PACSIN1: variants seen among roughly 807,000 people sequenced by gnomAD.
PACSIN1 encodes the protein protein kinase C and casein kinase substrate in neurons 1.
A neutral mutation model predicts 59.5 loss-of-function variants in PACSIN1; 15 were observed. That is an observed-to-expected ratio of 0.25 (90% CI 0.17 to 0.39). The LOEUF is 0.39. PACSIN1 is among the 10% of genes least tolerant of loss of function. The pLI is 1.00. For missense variants in PACSIN1, 420 were observed against 580.2 expected (o/e 0.72, Z 2.84); for synonymous variants, 210 against 220.6 (o/e 0.95, Z 0.42).
intron 1 of PACSIN1, among the ~76,000 whole-genome samples, chr6:34,509,949 A>G (rs919374677): frequency 3.3e-5 from 5 of 152,362 alleles, no homozygotes; most frequent in African/African-American, 1.2e-4. Context: ...AGATTTATCC[A>G]TGTGATTATG....
chr6:34,505,851 C>T (rs1249202203), intron 1 of PACSIN1, among the ~76,000 whole-genome samples: 3 of 151,308 alleles, frequency 2.0e-5, no homozygotes, highest in East Asian at 2.0e-4. Context: ...AGGCTGGTCT[C>T]GAACTCCTGG....
Position 34,529,950 on chromosome 6 carries a change from G to A in PACSIN1, c.788+109G>A. 4.8e-6 allele frequency: 6 copies of A among 1,256,234 alleles called. No homozygotes were observed. Among genetic ancestry groups the A allele is most frequent in the Non-Finnish European group, 6.6e-6 (6 of 903,180 alleles). 77.8% of individuals were successfully genotyped at this position (1,256,234 alleles called of 1,614,324 possible). A position where few individuals can be genotyped will look rare whatever the true frequency, so the allele number is the denominator to read the frequency against. ...CACAGTGACGGGAAGGGGAGGCAGAGCTGCAGGGGTCAAGAAGGATGAGGC... is the reference window on the plus strand; with the variant it reads ...CACAGTGACGGGAAGGGGAGGCAGAACTGCAGGGGTCAAGAAGGATGAGGC... On this transcript the variant is annotated intron_variant, in intron 6 of 9. Transcript: ENST00000244458. This position sits in a 1 kb window ranked among gnomAD's most constrained non-coding sequence, Gnocchi z 6.3.
At position 34,532,552 on chromosome 6, in the gene PACSIN1, C is replaced by G. The variant is rs1323268741; in HGVS notation, c.*22C>G. On this transcript the variant is annotated 3_prime_UTR_variant, in exon 10 of 10. Transcript: ENST00000244458. This position sits in a 1 kb window ranked among gnomAD's most constrained non-coding sequence, Gnocchi z 5.2. ...CTAGAGGCCCCCTCCCTCCATACTC[C>G]CGTCACTCCTCCCCACTGCCGCCCC... The G allele has an allele frequency of 3.6e-6, 5 of 1,381,392 alleles. No homozygotes were observed. The highest frequency in any genetic ancestry group is 5.0e-6 in the Non-Finnish European group (5 of 997,620). 85.6% of individuals were successfully genotyped at this position (1,381,392 alleles called of 1,614,324 possible).
chr6:34,512,807 A>G (rs576255823), intron 1 of PACSIN1, among the ~76,000 whole-genome samples: 2 of 152,286 alleles, frequency 1.3e-5, no homozygotes, highest in South Asian at 4.1e-4. Flanking sequence ...GTGTTTCCCA[A>G]TCAGATCTTT....
At chr6:34,480,227 C>CT (rs67633521) in intron 1 of PACSIN1, among the ~76,000 whole-genome samples, 70,494 of 133,538 alleles carry the variant, frequency 0.53, 18,480 homozygotes, top group East Asian at 0.63. Flanking sequence ...TTCTTTCTTT[C>CT]TTTTTTTTTT....
chr6:34,523,832 C>T (rs573916387), intron 1 of PACSIN1, among the ~76,000 whole-genome samples: 4 of 152,312 alleles, frequency 2.6e-5, no homozygotes, highest in Admixed American at 1.3e-4. Flanking sequence ...CCACATGATA[C>T]GGGGGTCCAC....
Position 34,516,523 on chromosome 6 carries a change from A to G in PACSIN1, c.-63-9720A>G, listed in dbSNP as rs148407011. 0.017 allele frequency among the ~76,000 whole-genome samples: 2,602 copies of G among 152,280 alleles called. 31 individuals carry two copies. The highest frequency in any genetic ancestry group is 0.029 in the African/African-American group (1,205 of 41,562). On this transcript the variant is annotated intron_variant, in intron 1 of 9. Transcript: ENST00000244458. This position sits in a 1 kb window ranked among gnomAD's most constrained non-coding sequence, Gnocchi z 5.4. ...CTGCCCTGCCTCACCTCCTGCAGCC[A>G]GGCCTGCTGGCCTCAGTTGCCCGTC...
At chr6:34,494,346 AG>A (rs1377826546) in intron 1 of PACSIN1, among the ~76,000 whole-genome samples, 1 of 152,136 alleles carries the variant, frequency 6.6e-6, no homozygotes, top group Non-Finnish European at 1.5e-5. Flanking sequence ...ATGTTAGACC[AG>A]AGCTTCTCCA....
intron 3 of PACSIN1, 60 bp downstream of exon 3, chr6:34,527,548 G>A: frequency 1.4e-6 from 2 of 1,444,182 alleles, no homozygotes; most frequent in Non-Finnish European, 1.8e-6. Context: ...CCTAGGTCTG[G>A]GTCCTAGGAG....
At position 34,530,684 on chromosome 6, in the gene PACSIN1, A is replaced by G. The variant is rs1248736244; in HGVS notation, c.1037+97A>G. The G allele has an allele frequency of 1.6e-6, 2 of 1,240,192 alleles. No individual in the cohort carries two copies. The highest frequency in any genetic ancestry group is 1.9e-5 in the South Asian group (1 of 51,860). 76.8% of individuals were successfully genotyped at this position (1,240,192 alleles called of 1,614,324 possible). Reference sequence around the variant, plus strand: ...GAAGACAAGAAATGGTCTAGATCATAGCAACTATGTCTCCTCTCTAAAAGA... The same window carrying G: ...GAAGACAAGAAATGGTCTAGATCATGGCAACTATGTCTCCTCTCTAAAAGA... On this transcript the variant is annotated intron_variant, in intron 8 of 9. Coordinates refer to ENST00000244458, the MANE Select transcript of PACSIN1 (RefSeq NM_020804.5). This position sits in a 1 kb window ranked among gnomAD's most constrained non-coding sequence, Gnocchi z 4.4.
chr6:34,524,750 G>A (rs1044166097), intron 1 of PACSIN1, among the ~76,000 whole-genome samples: 1 of 152,178 alleles, frequency 6.6e-6, no homozygotes, highest in Non-Finnish European at 1.5e-5. Context: ...TGGTGTTCCC[G>A]GGTGAAGGGT....
chr6:34,509,310 C>T (rs1354098488), intron 1 of PACSIN1, among the ~76,000 whole-genome samples: 3 of 152,162 alleles, frequency 2.0e-5, no homozygotes, highest in Non-Finnish European at 4.4e-5. Flanking sequence ...TCTTGGCACC[C>T]TCACTGAAGA....
chr6:34,469,323 C>T (rs1766539622), intron 1 of PACSIN1, among the ~76,000 whole-genome samples: 1 of 152,126 alleles, frequency 6.6e-6, no homozygotes. Context: ...TGAAGGAAGC[C>T]CATTAGCCAC....
chr6:34,518,362 C>A lies in PACSIN1; in HGVS notation c.-63-7881C>A, dbSNP rs71567453. ...CTCAGGACAGACAGACGGACCCCTGCAGAGTGGCCAAGTGTGTGCTGACTG... is the reference window on the plus strand; with the variant it reads ...CTCAGGACAGACAGACGGACCCCTGAAGAGTGGCCAAGTGTGTGCTGACTG... On this transcript the variant is annotated intron_variant, in intron 1 of 9. Transcript: ENST00000244458. The surrounding 1 kb of genome is among the most constrained non-coding windows in gnomAD (Gnocchi z 4.4). Among the ~76,000 whole-genome samples, 13,081 of 152,266 alleles carry A rather than the reference C, an allele frequency of 0.086. 759 individuals are homozygous for A. The highest frequency in any genetic ancestry group is 0.19 in the East Asian group (985 of 5,166).
intron 1 of PACSIN1, among the ~76,000 whole-genome samples, chr6:34,468,017 C>A (rs1309781639): frequency 6.6e-6 from 1 of 152,232 alleles, no homozygotes; most frequent in Non-Finnish European, 1.5e-5. Context: ...TCTCCTCAGG[C>A]CGCTGGGTTG....
intron 1 of PACSIN1, among the ~76,000 whole-genome samples, chr6:34,505,671 C>T (rs555813527): frequency 4.2e-4 from 58 of 138,890 alleles, no homozygotes; most frequent in African/African-American, 1.5e-3. Context: ...CACTCTCTCA[C>T]CCACCAGGCT....
chr6:34,528,997 A>T, intron 4 of PACSIN1, 120 bp downstream of exon 4: 1 of 760,234 alleles, frequency 1.3e-6, no homozygotes, highest in Non-Finnish European at 2.2e-6. Context: ...GATTGTGCCC[A>T]CAGGGGAGCA....
chr6:34,478,372 T>C (rs1225322248), intron 1 of PACSIN1, among the ~76,000 whole-genome samples: 1 of 58,406 alleles, frequency 1.7e-5, no homozygotes, highest in Non-Finnish European at 5.3e-5. Context: ...TTATCTTCTT[T>C]TTTTTTTTTT....
In PACSIN1 at chr6:34,530,435, C is replaced by T; in HGVS notation, c.910-25C>T. On this transcript the variant is annotated intron_variant, in intron 7 of 9. Transcript: ENST00000244458. The surrounding 1 kb of genome is among the most constrained non-coding windows in gnomAD (Gnocchi z 4.4). ...GTGCCTCAGGGCATAGTCCCCCAGC[C>T]TGACTGCTCCACTGGCCCCACCAGG... is the stretch of plus-strand genomic sequence containing the variant. The T allele has an allele frequency of 6.3e-7, 1 of 1,597,244 alleles. No homozygotes were observed. The highest frequency in any genetic ancestry group is 1.1e-5 in the South Asian group (1 of 88,992).
Sources: allele counts gnomAD v4.1 joint callset (sites outside exome capture counted in the v4.1 genomes callset), GRCh38; gene constraint gnomAD v4.1.1; non-coding constraint Gnocchi (gnomAD v3.1); transcripts MANE v1.5; gene names NCBI Gene and HGNC (gene_info 2026-07-23, HGNC 2026-07-21).